The following GALNT14 variants were observed in gnomAD, a reference collection of about 807,000 sequenced individuals.
The protein encoded by GALNT14 is UDP-GalNAc:polypeptide N-acetylgalactosaminyltransferase 14.
GALNT14 carries 60 observed loss-of-function variants against 77.5 expected under a neutral mutation model. The ratio of observed to expected loss-of-function variants is 0.77; its 90% CI spans 0.63 to 0.96. The LOEUF is 0.96. GALNT14 is among the 40% of genes least tolerant of loss of function. The probability of loss-of-function intolerance (pLI) is 0.00; values close to 1 mark genes in which losing one functional copy is unlikely to be tolerated. For missense variants in GALNT14, 710 were observed against 731.0 expected (o/e 0.97, Z 0.33); for synonymous variants, 280 against 281.7 (o/e 0.99, Z 0.06).
the GALNT14 span, among the ~76,000 whole-genome samples, chr2:30,899,342 G>A: frequency 6.6e-6 from 1 of 152,196 alleles, no homozygotes; most frequent in African/African-American, 2.4e-5. Context: ...GCTCCGCTCT[G>A]GGAAGCTGGA....
chr2:30,992,210 T>A (rs1442586157), intron 2 of GALNT14, among the ~76,000 whole-genome samples: 1 of 152,184 alleles, frequency 6.6e-6, no homozygotes, highest in African/African-American at 2.4e-5. Context: ...ACAAAGCCTC[T>A]GCTTGCTAGG....
chr2:30,935,144 T>C (rs1198499054), intron 9 of GALNT14, among the ~76,000 whole-genome samples: 1 of 152,146 alleles, frequency 6.6e-6, no homozygotes, highest in Non-Finnish European at 1.5e-5. Context: ...CCCTGCTCCA[T>C]TGTTATTAAT....
At chr2:31,136,260 T>TGCCTGACCCTCTCC (rs1679224905) in intron 1 of GALNT14, among the ~76,000 whole-genome samples, 5 of 152,128 alleles carry the variant, frequency 3.3e-5, no homozygotes, top group African/African-American at 1.2e-4. Flanking sequence ...CACACCTCCC[T>TGCCTGACCCTCTCC]AAACTTTATC....
At chr2:30,982,620 C>T (rs1307303469) in intron 2 of GALNT14, among the ~76,000 whole-genome samples, 3 of 152,208 alleles carry the variant, frequency 2.0e-5, no homozygotes, top group Admixed American at 6.5e-5. Context: ...CAATCTACAG[C>T]TTTTGAAGAC....
the GALNT14 span, among the ~76,000 whole-genome samples, chr2:30,890,990 T>G: frequency 2.7e-4 from 41 of 152,126 alleles, no homozygotes; most frequent in Non-Finnish European, 4.4e-4. Context: ...AGAAAAGTCA[T>G]GCTGGGAGGA....
chr2:31,092,067 A>G (rs1157262962), intron 1 of GALNT14, among the ~76,000 whole-genome samples: 2 of 152,058 alleles, frequency 1.3e-5, no homozygotes, highest in East Asian at 1.9e-4. Flanking sequence ...TCAGCTTTTG[A>G]ACTCTTGGAC....
In GALNT14 at chr2:31,137,942, C is replaced by T; in HGVS notation, c.129+16G>A. 1.9e-6 allele frequency: 3 copies of T among 1,603,600 alleles called. No homozygotes were observed. Among genetic ancestry groups the T allele is most frequent in the Middle Eastern group, 1.7e-4 (1 of 6,042 alleles). On this transcript the variant is annotated intron_variant, in intron 1 of 14. Coordinates refer to ENST00000349752, the MANE Select transcript of GALNT14 (RefSeq NM_024572.4). ...CAAGCCACCGCTCAGCGCCAGCGCG[C>T]CGGCAAGCCGCCTACCTTAGGGGTC...
At chr2:31,030,892 T>C (rs1378272781) in intron 1 of GALNT14, among the ~76,000 whole-genome samples, 2 of 152,188 alleles carry the variant, frequency 1.3e-5, no homozygotes, top group Non-Finnish European at 1.5e-5. Context: ...CAACTCTTTT[T>C]CTTGGGATGC....
intron 11 of GALNT14, among the ~76,000 whole-genome samples, chr2:30,927,724 G>A (rs150208778): frequency 2.0e-5 from 3 of 152,164 alleles, no homozygotes; most frequent in Admixed American, 6.5e-5. Flanking sequence ...CAGCGAAAGA[G>A]GGGGGTGGAC....
At chr2:31,017,843 T>C (rs957457181) in intron 1 of GALNT14, among the ~76,000 whole-genome samples, 1 of 152,334 alleles carries the variant, frequency 6.6e-6, no homozygotes, top group East Asian at 1.9e-4. Context: ...AATGATCAGC[T>C]TTTGCCACTG....
chr2:30,998,105 GA>G (rs1278510446), intron 1 of GALNT14, among the ~76,000 whole-genome samples: 1 of 152,238 alleles, frequency 6.6e-6, no homozygotes, highest in Non-Finnish European at 1.5e-5. Context: ...GCCAGGCACA[GA>G]AAGACTAAGA....
chr2:31,001,352 C>T (rs184275179), intron 1 of GALNT14, among the ~76,000 whole-genome samples: 4 of 152,164 alleles, frequency 2.6e-5, no homozygotes, highest in South Asian at 2.1e-4. Flanking sequence ...ATACAGGATG[C>T]GGAAACTAGA....
At chr2:30,917,439 G>A (rs997992713) in intron 13 of GALNT14, among the ~76,000 whole-genome samples, 1 of 152,212 alleles carries the variant, frequency 6.6e-6, no homozygotes, top group Non-Finnish European at 1.5e-5. Flanking sequence ...GGCTCTGCAG[G>A]TGGCAGGCCT....
intron 6 of GALNT14, among the ~76,000 whole-genome samples, chr2:30,946,215 G>A (rs1026955841): frequency 2.6e-5 from 4 of 152,178 alleles, no homozygotes; most frequent in Non-Finnish European, 2.9e-5. Context: ...CCTTCACCAC[G>A]AGTGGGGCTC....
intron 1 of GALNT14, among the ~76,000 whole-genome samples, chr2:31,002,423 C>T (rs1001607173): frequency 6.8e-6 from 1 of 147,444 alleles, no homozygotes; most frequent in African/African-American, 2.5e-5. Flanking sequence ...GAGTGAGACT[C>T]CATTTCAAAA....
intron 4 of GALNT14, among the ~76,000 whole-genome samples, chr2:30,956,927 C>G (rs1393168282): frequency 6.6e-6 from 1 of 152,204 alleles, no homozygotes; most frequent in African/African-American, 2.4e-5. Context: ...CACAGACCTG[C>G]TTTTGGAAGG....
chr2:30,894,874 AC>A, the GALNT14 span, among the ~76,000 whole-genome samples: 249 of 152,020 alleles, frequency 1.6e-3, no homozygotes, highest in African/African-American at 5.9e-3. Context: ...GTCCTCTCTG[AC>A]CCCGCTCCCT....
chr2:30,949,411 T>A (rs1401261293), intron 6 of GALNT14, among the ~76,000 whole-genome samples: 1 of 152,052 alleles, frequency 6.6e-6, no homozygotes, highest in Non-Finnish European at 1.5e-5. Flanking sequence ...GCACACTGAG[T>A]TCTCTGTGTG....
chr2:31,108,045 C>T (rs777322815), intron 1 of GALNT14, among the ~76,000 whole-genome samples: 1 of 152,214 alleles, frequency 6.6e-6, no homozygotes, highest in Non-Finnish European at 1.5e-5. Context: ...TGTCCTGTCT[C>T]ATATCTCTGG....
Sources: allele counts gnomAD v4.1 joint callset (sites outside exome capture counted in the v4.1 genomes callset), GRCh38; gene constraint gnomAD v4.1.1; transcripts MANE v1.5; gene names NCBI Gene and HGNC (gene_info 2026-07-23, HGNC 2026-07-21).